The following ITGA8 variants were observed in gnomAD, a reference collection of about 807,000 sequenced individuals.
ITGA8 encodes integrin alpha-8.
Under a neutral mutation model 142.3 loss-of-function variants are expected in ITGA8, and 91 were observed. The observed-to-expected ratio is 0.64, with a 90% CI of 0.54 to 0.76. ITGA8 has a LOEUF of 0.76. ITGA8 is among the 30% of genes least tolerant of loss of function. ITGA8 has a pLI of 0.00. For missense variants in ITGA8, 1,406 were observed against 1,327.7 expected (o/e 1.06, Z -0.92); for synonymous variants, 505 against 485.2 (o/e 1.04, Z -0.54).
intron 2 of ITGA8, among the ~76,000 whole-genome samples, chr10:15,712,370 T>G (rs1357735501): frequency 1.3e-5 from 2 of 152,030 alleles, no homozygotes; most frequent in Non-Finnish European, 2.9e-5. Flanking sequence ...TCACTTGAAG[T>G]CAGGAGTTCA....
At chr10:15,718,735 C>A (rs1485631816) in intron 2 of ITGA8, 31 bp downstream of exon 2, 1 of 1,610,254 alleles carries the variant, frequency 6.2e-7, no homozygotes, top group South Asian at 1.1e-5. Flanking sequence ...CAAACCCAGG[C>A]CCACAGCTTA....
At position 15,688,009 on chromosome 10, in the gene ITGA8, T is replaced by C. The variant is rs1179044819; in HGVS notation, c.373A>G (p.Lys125Glu). 1.2e-6 allele frequency: 2 copies of C among 1,612,948 alleles called. No homozygotes were observed. Among genetic ancestry groups the C allele is most frequent in the Non-Finnish European group, 1.7e-6 (2 of 1,179,016 alleles). The change falls in exon 3 of 30, where the codon AAA becomes GAA. Residue 125 changes from lysine to glutamate, a missense_variant. Transcript: ENST00000378076. The part of the protein sequence containing the change: ...NNRKIRVNGT[K>E]EPIEFKSNQW... ...TTGGATTTGAACTCGATAGGTTCTT[T>C]GGTTCCATTAACTCTGATCTTTCTG...
chr10:15,612,004 T>A (rs955288904), intron 15 of ITGA8, among the ~76,000 whole-genome samples: 3 of 152,332 alleles, frequency 2.0e-5, no homozygotes, highest in South Asian at 2.1e-4. Context: ...ACTGAAGTTT[T>A]AATACTCATG....
Position 15,516,161 on chromosome 10 carries a change from C to A in ITGA8, c.*997G>T, listed in dbSNP as rs987141638. The A allele has an allele frequency of 6.6e-6, 1 of 152,064 alleles. No individual in the cohort carries two copies. Among genetic ancestry groups the A allele is most frequent in the African/African-American group, 2.4e-5 (1 of 41,408 alleles). 9.4% of individuals were successfully genotyped at this position (152,064 alleles called of 1,614,324 possible). A position where few individuals can be genotyped will look rare whatever the true frequency, so the allele number is the denominator to read the frequency against. On this transcript the variant is annotated 3_prime_UTR_variant, in exon 30 of 30. Coordinates refer to ENST00000378076, the MANE Select transcript of ITGA8 (RefSeq NM_003638.3). ...AATGTTTACCCATAATGTTAAATTG[C>A]TTTTTAATTAATGAACTCTAGACAT...
In ITGA8 at chr10:15,719,902, T is replaced by C. The variant is rs11575610; in HGVS notation, c.-131A>G. The stretch of plus-strand genomic sequence containing the variant: ...CGGGTCGGTGCGCTCGGCGCACCCG[T>C]GGTGACAGTGCCCGGCGTCTGCTCC... On this transcript the variant is annotated 5_prime_UTR_variant, in exon 1 of 30. Coordinates refer to ENST00000378076, the MANE Select transcript of ITGA8 (RefSeq NM_003638.3). The C allele has an allele frequency of 6.1e-3, 4,091 of 665,766 alleles. 119 individuals are homozygous for C. In the African/African-American group the frequency reaches 0.071, roughly 12 times the overall value. The allele number at this position is 665,766 out of a possible 1,614,324, so 41.2% of individuals were successfully genotyped here. A position where few individuals can be genotyped will look rare whatever the true frequency, so the allele number is the denominator to read the frequency against.
chr10:15,602,518 G>A (rs1260966398), intron 20 of ITGA8, among the ~76,000 whole-genome samples: 12 of 152,124 alleles, frequency 7.9e-5, no homozygotes, highest in African/African-American at 2.2e-4. Flanking sequence ...TGGGTGGACC[G>A]CCTGACCCCA....
At chr10:15,586,105 C>T (rs1388143606) in intron 23 of ITGA8, among the ~76,000 whole-genome samples, 1 of 126,292 alleles carries the variant, frequency 7.9e-6, no homozygotes, top group Non-Finnish European at 1.6e-5. Context: ...GTCACCCAGG[C>T]TGGAGTGCAA....
intron 7 of ITGA8, among the ~76,000 whole-genome samples, 197 bp downstream of exon 7, chr10:15,672,427 G>A (rs1377962550): frequency 1.3e-5 from 2 of 152,126 alleles, no homozygotes; most frequent in Non-Finnish European, 2.9e-5. Context: ...CAAAATAGCT[G>A]CTCACATTAT....
In ITGA8 at chr10:15,593,588, C is replaced by A. The variant is rs143487842; in HGVS notation, c.2212-1284G>T. ...CAAACCATTAACCAAAACTCATATTCACATGAATCAGTAATAATATGAACG... is the reference window on the plus strand; with the variant it reads ...CAAACCATTAACCAAAACTCATATTAACATGAATCAGTAATAATATGAACG... On this transcript the variant is annotated intron_variant, in intron 21 of 29. Transcript: ENST00000378076. Among the ~76,000 whole-genome samples, 492 of 152,314 alleles carry A rather than the reference C, an allele frequency of 3.2e-3. 3 individuals are homozygous for A. Among genetic ancestry groups the A allele is most frequent in the African/African-American group, 0.011 (469 of 41,550 alleles).
intron 17 of ITGA8, among the ~76,000 whole-genome samples, chr10:15,606,633 C>T (rs142424863): frequency 1.2e-4 from 18 of 152,222 alleles, no homozygotes; most frequent in Non-Finnish European, 2.4e-4. Context: ...TTTAGAGCTG[C>T]GGCTTCATTG....
At chr10:15,640,084 C>T (rs933565282) in intron 13 of ITGA8, among the ~76,000 whole-genome samples, 1 of 152,168 alleles carries the variant, frequency 6.6e-6, no homozygotes, top group Non-Finnish European at 1.5e-5. Flanking sequence ...GGGTAGAGGG[C>T]TGGGCAAGAG....
intron 29 of ITGA8, among the ~76,000 whole-genome samples, chr10:15,517,544 G>A (rs928472223): frequency 2.6e-5 from 4 of 152,082 alleles, no homozygotes; most frequent in Non-Finnish European, 4.4e-5. Flanking sequence ...GGCTGGTGTT[G>A]AACTCCTGAC....
At chr10:15,668,025 T>C (rs1834430566) in intron 8 of ITGA8, among the ~76,000 whole-genome samples, 1 of 152,222 alleles carries the variant, frequency 6.6e-6, no homozygotes. Flanking sequence ...TCTGTAGATG[T>C]CTATTAGGTC....
chr10:15,527,910 T>C (rs1833208943), intron 28 of ITGA8, among the ~76,000 whole-genome samples: 1 of 124,158 alleles, frequency 8.1e-6, no homozygotes, highest in African/African-American at 3.1e-5. Context: ...GCTGGGCTTT[T>C]TTTTTTTTTT....
At chr10:15,697,278 A>G (rs1835072350) in intron 2 of ITGA8, among the ~76,000 whole-genome samples, 2 of 152,216 alleles carry the variant, frequency 1.3e-5, no homozygotes, top group Admixed American at 6.5e-5. Flanking sequence ...TTAAAAGTAC[A>G]GAGAAATATA....
At chr10:15,658,139 A>G (rs1409939991) in intron 10 of ITGA8, among the ~76,000 whole-genome samples, 1 of 152,162 alleles carries the variant, frequency 6.6e-6, no homozygotes, top group Non-Finnish European at 1.5e-5. Flanking sequence ...TCATTCTTAA[A>G]GGGAGCTTGG....
intron 28 of ITGA8, among the ~76,000 whole-genome samples, chr10:15,525,556 C>A (rs180745645): frequency 1.2e-3 from 174 of 146,986 alleles, no homozygotes; most frequent in African/African-American, 4.2e-3. Flanking sequence ...GTAGGAGAAT[C>A]ACTTGAACCC....
At chr10:15,683,445 G>A (rs768205418) in intron 4 of ITGA8, among the ~76,000 whole-genome samples, 2 of 152,114 alleles carry the variant, frequency 1.3e-5, no homozygotes, top group African/African-American at 2.4e-5. Flanking sequence ...CTGCTTGGCT[G>A]CAAGATTCCT....
At chr10:15,615,447 A>G (rs1447375979) in intron 14 of ITGA8, among the ~76,000 whole-genome samples, 4 of 152,218 alleles carry the variant, frequency 2.6e-5, no homozygotes, top group Admixed American at 2.6e-4. Context: ...ACACCCAGGT[A>G]TGCCCTCGGC....
Sources: gnomAD v4.1 joint callset for allele counts (sites outside exome capture counted in the v4.1 genomes callset) on GRCh38, gnomAD v4.1.1 for gene constraint, MANE v1.5 for transcripts, NCBI Gene and HGNC (gene_info 2026-07-23, HGNC 2026-07-21) for gene names.